The following SYT16 variants were observed in gnomAD, a reference collection of about 807,000 sequenced individuals.
SYT16 encodes synaptotagmin 16, also known as synaptotagmin-16.
Under a neutral mutation model 61.4 loss-of-function variants are expected in SYT16, and 42 were observed. That is an observed-to-expected ratio of 0.68 (90% CI 0.53 to 0.89). The LOEUF is 0.89. Ranked by LOEUF, SYT16 falls within the 40% of genes least tolerant of loss-of-function variation. The pLI, the probability that SYT16 is intolerant of heterozygous loss-of-function variation, is 0.00. For synonymous variants in SYT16, 314 were observed against 302.3 expected (o/e 1.04, Z -0.40); for missense variants, 804 against 807.3 (o/e 1.00, Z 0.05).
chr14:61,821,128 C>T (rs74718864), intron 1 of SYT16, among the ~76,000 whole-genome samples: 2,687 of 150,514 alleles, frequency 0.018, 45 homozygotes, highest in Middle Eastern at 0.049. Flanking sequence ...CCCTCAGCCG[C>T]TGGGCTGCCT....
chr14:61,861,138 G>T (rs1371227546), intron 1 of SYT16, among the ~76,000 whole-genome samples: 1 of 152,116 alleles, frequency 6.6e-6, no homozygotes, highest in Non-Finnish European at 1.5e-5. Flanking sequence ...TCACAATACT[G>T]CTCACCAACT....
chr14:62,097,481 G>A (rs1011231384), intron 7 of SYT16, among the ~76,000 whole-genome samples: 2 of 152,056 alleles, frequency 1.3e-5, no homozygotes, highest in Non-Finnish European at 2.9e-5. Flanking sequence ...AGTAAGTCAC[G>A]GAACCCCAAA....
intron 6 of SYT16, among the ~76,000 whole-genome samples, chr14:62,081,706 C>T (rs1016596356): frequency 6.6e-6 from 1 of 152,182 alleles, no homozygotes. Context: ...CTTCTGAAAC[C>T]TTTCATTTGT....
rs538370287 is a variant in SYT16 at position 62,103,442 on chromosome 14, A to C, written c.*2735A>C. 6.6e-6 allele frequency: 1 copy of C among 152,200 alleles called. No individual in the cohort carries two copies. Among genetic ancestry groups the C allele is most frequent in the Non-Finnish European group, 1.5e-5 (1 of 68,028 alleles). The allele number at this position is 152,200 out of a possible 1,614,324, so 9.4% of individuals were successfully genotyped here. ...AGCATGCTTTTAAAATAATATCGTT[A>C]AGAGTAAATGATGCGCTGGGTTTAT... On this transcript the variant is annotated 3_prime_UTR_variant, in exon 8 of 8. Coordinates refer to ENST00000683842, the MANE Select transcript of SYT16 (RefSeq NM_001367656.1).
chr14:61,971,489 T>G (rs2051553471), intron 2 of SYT16, among the ~76,000 whole-genome samples: 1 of 152,224 alleles, frequency 6.6e-6, no homozygotes. Context: ...GAGTGCTTTA[T>G]GATGTGGCAG....
intron 1 of SYT16, among the ~76,000 whole-genome samples, chr14:61,965,320 G>C (rs1172336388): frequency 6.6e-6 from 1 of 152,134 alleles, no homozygotes. Context: ...CATAGCTATG[G>C]CTAAGAGTCC....
chr14:61,996,005 A>G lies in SYT16; in HGVS notation c.-15A>G, dbSNP rs1194774555. On this transcript the variant is annotated 5_prime_UTR_variant, in exon 3 of 8. Coordinates refer to ENST00000683842, the MANE Select transcript of SYT16 (RefSeq NM_001367656.1). ...AACTGAACAACTGGACACTGTAGAC[A>G]TCAGATAGCTGGCCATGGTGTTGGC... 1 of 1,568,814 alleles carries G rather than the reference A, an allele frequency of 6.4e-7. No homozygotes were observed. Among genetic ancestry groups the G allele is most frequent in the Non-Finnish European group, 8.6e-7 (1 of 1,158,436 alleles).
intron 1 of SYT16, among the ~76,000 whole-genome samples, chr14:61,931,669 A>AT (rs1395033512): frequency 2.6e-5 from 4 of 152,002 alleles, no homozygotes; most frequent in South Asian, 2.1e-4. Flanking sequence ...GGTTGTTTCC[A>AT]TTTTTTCCCT....
At chr14:61,991,997 A>G (rs1269832257) in intron 2 of SYT16, among the ~76,000 whole-genome samples, 2 of 150,118 alleles carry the variant, frequency 1.3e-5, no homozygotes, top group African/African-American at 2.5e-5. Flanking sequence ...TTCATGGAAC[A>G]TGGAGAGCCC....
At chr14:61,875,555 A>C (rs901480728) in intron 1 of SYT16, among the ~76,000 whole-genome samples, 2 of 152,248 alleles carry the variant, frequency 1.3e-5, no homozygotes, top group African/African-American at 4.8e-5. Context: ...TGGTTGATTT[A>C]AGCAGCAAAT....
intron 3 of SYT16, among the ~76,000 whole-genome samples, chr14:62,049,944 T>A (rs1253322796): frequency 6.6e-6 from 1 of 152,186 alleles, no homozygotes; most frequent in Non-Finnish European, 1.5e-5. Flanking sequence ...CAGACAATTA[T>A]GTGTCTTGGA....
intron 1 of SYT16, chr14:61,865,203 G>A (rs1368455930): frequency 1.9e-5 from 22 of 1,129,872 alleles, no homozygotes; most frequent in Admixed American, 3.5e-5. Context: ...GACTATAAGC[G>A]ACTTCTGGAT....
At chr14:62,000,904 G>C (rs756235730) in intron 3 of SYT16, among the ~76,000 whole-genome samples, 1 of 151,922 alleles carries the variant, frequency 6.6e-6, no homozygotes, top group Non-Finnish European at 1.5e-5. Flanking sequence ...CGCTGATACT[G>C]CTTTGCCCTA....
chr14:61,883,360 C>T (rs1394494722), intron 1 of SYT16, among the ~76,000 whole-genome samples: 1 of 152,212 alleles, frequency 6.6e-6, no homozygotes, highest in Non-Finnish European at 1.5e-5. Flanking sequence ...ATTTATTCTA[C>T]CAGATACCCA....
chr14:62,016,574 G>A (rs949638838), intron 3 of SYT16, among the ~76,000 whole-genome samples: 14 of 151,190 alleles, frequency 9.3e-5, no homozygotes, highest in African/African-American at 2.9e-4. Context: ...TTAGCCGGGC[G>A]TGGTGGCGGG....
chr14:61,869,627 C>T (rs779856534), intron 1 of SYT16, among the ~76,000 whole-genome samples: 6 of 152,076 alleles, frequency 3.9e-5, no homozygotes, highest in Non-Finnish European at 7.4e-5. Context: ...TGTTTGTATC[C>T]CTCCACAACT....
chr14:62,014,794 T>A (rs1314174220), intron 3 of SYT16, among the ~76,000 whole-genome samples: 32 of 152,168 alleles, frequency 2.1e-4, no homozygotes, highest in Admixed American at 2.1e-3. Flanking sequence ...CCCCTCCGAA[T>A]GTTCATTTTA....
rs1229748616 is a variant in SYT16 at position 61,996,089 on chromosome 14, G to C, written c.70G>C (p.Val24Leu). 2 of 1,612,620 alleles carry C rather than the reference G, an allele frequency of 1.2e-6. No individual in the cohort carries two copies. Among genetic ancestry groups the C allele is most frequent in the South Asian group, 2.2e-5 (2 of 90,920 alleles). ...FQPFSSWISR[V>L]YEALQQAGDM... The stretch of plus-strand genomic sequence containing the variant: ...GCCTTTCTCTTCCTGGATATCTCGG[G>C]TTTATGAAGCTCTCCAGCAAGCAGG... The change falls in exon 3 of 8, where the codon GTT (valine) becomes CTT (leucine). Residue 24 changes from valine to leucine, a missense_variant. Val to Leu is a conservative substitution (Grantham distance 32). Coordinates refer to ENST00000683842, the MANE Select transcript of SYT16 (RefSeq NM_001367656.1).
At chr14:61,892,958 A>G (rs2048191612) in intron 1 of SYT16, among the ~76,000 whole-genome samples, 1 of 151,416 alleles carries the variant, frequency 6.6e-6, no homozygotes, top group Non-Finnish European at 1.5e-5. Flanking sequence ...GCCGCCTTCC[A>G]CAAGCCTTCC....
Sources: allele counts gnomAD v4.1 joint callset (sites outside exome capture counted in the v4.1 genomes callset), GRCh38; gene constraint gnomAD v4.1.1; transcripts MANE v1.5; gene names NCBI Gene and HGNC (gene_info 2026-07-23, HGNC 2026-07-21).